MAGI1: variants seen among roughly 807,000 people sequenced by gnomAD.
MAGI1 encodes membrane-associated guanylate kinase, WW and PDZ domain-containing protein 1.
A neutral mutation model predicts 139.9 loss-of-function variants in MAGI1; 58 were observed. That is an observed-to-expected ratio of 0.41 (90% CI 0.34 to 0.52). MAGI1 has a LOEUF of 0.52. Among genes scored for constraint, MAGI1 ranks in the 20% least tolerant of loss-of-function variants. MAGI1 has a pLI of 0.12. For missense variants in MAGI1, 1,874 were observed against 1,901.6 expected, an observed-to-expected ratio of 0.99 and a Z score of 0.27; for synonymous variants, 812 against 737.9, an observed-to-expected ratio of 1.10 and a Z score of -1.63.
At chr3:65,914,865 T>C (rs1004043032) in intron 1 of MAGI1, among the ~76,000 whole-genome samples, 1 of 152,194 alleles carries the variant, frequency 6.6e-6, no homozygotes, top group African/African-American at 2.4e-5. Context: ...GTAAGATATG[T>C]TACTTTTCTG....
At position 65,356,485 on chromosome 3, in the gene MAGI1, C is replaced by G. The variant is rs745429984; in HGVS notation, c.4282G>C (p.Glu1428Gln). 1 of 1,611,890 alleles carries G rather than the reference C, an allele frequency of 6.2e-7. No homozygotes were observed. Among genetic ancestry groups the G allele is most frequent in the Admixed American group, 1.7e-5 (1 of 60,014 alleles). The stretch of plus-strand genomic sequence containing the variant: ...TGTTTCAGATTCGCCTCTTCCCTTT[C>G]TCGGTGGCTGGCTCTGTCCTCTCTG... ...RNREDRASHREREEANLKQDA... is the reference protein window; with the variant it reads ...RNREDRASHRQREEANLKQDA... Residue 1428 changes from glutamate to glutamine, a missense_variant, in exon 23 of 23, where the codon GAA becomes CAA. Around this residue, in one of 5 missense-constraint regions of MAGI1, gnomAD observed 653 missense variants for 644.5 expected, o/e 1.01. Transcript: ENST00000402939.
intron 1 of MAGI1, among the ~76,000 whole-genome samples, chr3:65,820,402 T>C (rs1321996187): frequency 6.6e-6 from 1 of 152,166 alleles, no homozygotes; most frequent in Non-Finnish European, 1.5e-5. Context: ...TCCAGTCACA[T>C]GGGCAGTGTG....
At chr3:65,423,680 A>G (rs1029651399) in intron 12 of MAGI1, among the ~76,000 whole-genome samples, 8 of 152,202 alleles carry the variant, frequency 5.3e-5, no homozygotes, top group African/African-American at 1.7e-4. Flanking sequence ...CTAGGTTCCA[A>G]TCCTAGCTTT....
At chr3:65,833,005 T>C (rs2042608465) in intron 1 of MAGI1, among the ~76,000 whole-genome samples, 1 of 152,314 alleles carries the variant, frequency 6.6e-6, no homozygotes. Flanking sequence ...TATATTCCCA[T>C]TTGTATGGAT....
chr3:65,688,499 G>A, intron 1 of MAGI1: 1 of 447,672 alleles, frequency 2.2e-6, no homozygotes, highest in Non-Finnish European at 4.4e-6. Flanking sequence ...CTACCCAAGG[G>A]GGAAGACTGA....
chr3:65,921,167 C>T (rs917433166), intron 1 of MAGI1, among the ~76,000 whole-genome samples: 2 of 152,098 alleles, frequency 1.3e-5, no homozygotes, highest in Non-Finnish European at 2.9e-5. Context: ...CATTTTAACC[C>T]ACTGCAGAAT....
intron 1 of MAGI1, among the ~76,000 whole-genome samples, chr3:65,705,824 T>C (rs1325810738): frequency 6.6e-6 from 1 of 152,188 alleles, no homozygotes; most frequent in African/African-American, 2.4e-5. Flanking sequence ...ATGTATAGGT[T>C]TGGGGCTAAT....
chr3:65,839,140 C>G (rs1430173040), intron 1 of MAGI1, among the ~76,000 whole-genome samples: 1 of 152,150 alleles, frequency 6.6e-6, no homozygotes, highest in African/African-American at 2.4e-5. Context: ...CAACAACAGA[C>G]CACATATACA....
intron 15 of MAGI1, 83 bp downstream of exon 15, chr3:65,383,444 CTTAAA>C: frequency 1.0e-6 from 1 of 967,864 alleles, no homozygotes; most frequent in Non-Finnish European, 1.7e-6. Context: ...TCTAGCTGGA[CTTAAA>C]TCTTGGTGAT....
chr3:65,607,044 C>T (rs60744394), intron 2 of MAGI1, among the ~76,000 whole-genome samples: 14,091 of 152,032 alleles, frequency 0.093, 808 homozygotes, highest in Admixed American at 0.14. Flanking sequence ...CAATAACTGC[C>T]TAAGTCCCTA....
intron 2 of MAGI1, among the ~76,000 whole-genome samples, chr3:65,584,005 A>G (rs1157635609): frequency 6.6e-6 from 1 of 151,442 alleles, no homozygotes; most frequent in Non-Finnish European, 1.5e-5. Context: ...ATAAAATAAT[A>G]ATTAACACAT....
chr3:65,508,480 A>ATTATTTATTATATTATATTATATT (rs1167520748), intron 2 of MAGI1, among the ~76,000 whole-genome samples: 5 of 152,202 alleles, frequency 3.3e-5, no homozygotes, highest in Non-Finnish European at 7.3e-5. Context: ...ATTATGTTAT[A>ATTATTTATTATATTATATTATATT]TAAAGACAAT....
chr3:65,784,841 G>C (rs1357411175), intron 1 of MAGI1, among the ~76,000 whole-genome samples: 3 of 152,214 alleles, frequency 2.0e-5, no homozygotes, highest in African/African-American at 7.2e-5. Context: ...ACAAGATAAG[G>C]TGGAGTAGCA....
chr3:65,946,603 G>C (rs1412911310), intron 1 of MAGI1, among the ~76,000 whole-genome samples: 1 of 152,008 alleles, frequency 6.6e-6, no homozygotes, highest in Non-Finnish European at 1.5e-5. Flanking sequence ...TCAGTGAGCT[G>C]CTGGTTATGT....
At chr3:65,943,925 T>G (rs1209933457) in intron 1 of MAGI1, among the ~76,000 whole-genome samples, 5 of 152,182 alleles carry the variant, frequency 3.3e-5, no homozygotes. Context: ...AACTCAAAAC[T>G]TATTTGTGAA....
chr3:65,703,395 T>A (rs1026772928), intron 1 of MAGI1, among the ~76,000 whole-genome samples: 1 of 151,654 alleles, frequency 6.6e-6, no homozygotes, highest in Non-Finnish European at 1.5e-5. Flanking sequence ...AAAGACCCAA[T>A]AAAAAAAAAT....
chr3:65,986,472 G>A (rs2065884457), intron 1 of MAGI1, among the ~76,000 whole-genome samples: 2 of 152,180 alleles, frequency 1.3e-5, no homozygotes, highest in African/African-American at 2.4e-5. Flanking sequence ...TAAAGGGCAG[G>A]AGCAGGACAG....
At chr3:65,573,969 G>GAC (rs1369613623) in intron 2 of MAGI1, among the ~76,000 whole-genome samples, 1 of 151,784 alleles carries the variant, frequency 6.6e-6, no homozygotes, top group Non-Finnish European at 1.5e-5. Flanking sequence ...AATTGCCACA[G>GAC]ACACACACAA....
intron 1 of MAGI1, among the ~76,000 whole-genome samples, chr3:65,947,408 G>C: frequency 6.6e-6 from 1 of 152,040 alleles, no homozygotes; most frequent in African/African-American, 2.4e-5. Flanking sequence ...TAAAATGGAG[G>C]AACACAAAGA....
Sources: allele counts gnomAD v4.1 joint callset (sites outside exome capture counted in the v4.1 genomes callset), GRCh38; gene constraint gnomAD v4.1.1; regional missense constraint gnomAD v4.1.1; transcripts MANE v1.5; gene names NCBI Gene and HGNC (gene_info 2026-07-23, HGNC 2026-07-21).